Variants in HORMAD1 observed in about 807,000 individuals in gnomAD.
HORMAD1 encodes the protein HORMA domain containing 1.
A neutral mutation model predicts 58.2 loss-of-function variants in HORMAD1; 33 were observed. The ratio of observed to expected loss-of-function variants is 0.57; its 90% CI spans 0.43 to 0.76. The LOEUF (loss-of-function observed/expected upper bound fraction) is 0.76, where lower values mean the gene tolerates loss of function less well. HORMAD1 is among the 30% of genes least tolerant of loss of function. HORMAD1 has a pLI of 0.00. For synonymous variants in HORMAD1, 137 were observed against 144.6 expected, an observed-to-expected ratio of 0.95 and a Z score of 0.38; for missense variants, 363 against 462.0, an observed-to-expected ratio of 0.79 and a Z score of 1.96.
In HORMAD1 at chr1:150,704,135, A is replaced by G; in HGVS notation, c.931T>C (p.Ser311Pro). ...IMRSKESPDL[S>P]ISHSQVEQLV... ...GTTTATACCTGAGAATGAGAAATAG[A>G]AAGATCTGGACTTTCTTTAGACCTC... The change falls in exon 12 of 15, where the codon TCT (serine) becomes CCT (proline). Residue 311 changes from serine (S) to proline (P), a missense_variant. By Grantham distance (74) the Ser-to-Pro change is moderately conservative. Around this residue, in one of 3 missense-constraint regions of HORMAD1, gnomAD observed 226 missense variants for 257.8 expected, o/e 0.88. Transcript: ENST00000361824. 1.3e-6 allele frequency: 2 copies of G among 1,592,000 alleles called. No individual in the cohort carries two copies. Among genetic ancestry groups the G allele is most frequent in the Non-Finnish European group, 1.7e-6 (2 of 1,171,074 alleles).
intron 10 of HORMAD1, among the ~76,000 whole-genome samples, chr1:150,706,035 C>G (rs930700050): frequency 6.6e-6 from 1 of 152,206 alleles, no homozygotes; most frequent in South Asian, 2.1e-4. Flanking sequence ...GACGCACTAA[C>G]TAGAAATCCA....
At chr1:150,720,107 C>G (rs2101895566) in intron 1 of HORMAD1, among the ~76,000 whole-genome samples, 1 of 150,500 alleles carries the variant, frequency 6.6e-6, no homozygotes, top group African/African-American at 2.4e-5. Context: ...CGGTGTCTCT[C>G]TCTGTTGCCC....
intron 7 of HORMAD1, among the ~76,000 whole-genome samples, chr1:150,709,788 C>T (rs989992763): frequency 3.3e-5 from 5 of 152,192 alleles, no homozygotes; most frequent in African/African-American, 1.2e-4. Flanking sequence ...AGGACAAAAA[C>T]CGCCCTATGG....
chr1:150,704,704 C>G (rs1429108212), intron 10 of HORMAD1, among the ~76,000 whole-genome samples: 3 of 152,024 alleles, frequency 2.0e-5, no homozygotes, highest in Non-Finnish European at 4.4e-5. Context: ...CCACTGCGCT[C>G]CAGCCTGGGA....
At chr1:150,716,954 C>CAA (rs61024265) in intron 3 of HORMAD1, among the ~76,000 whole-genome samples, 184 bp downstream of exon 3, 39,161 of 90,506 alleles carry the variant, frequency 0.43, 7,062 homozygotes, top group South Asian at 0.58. Flanking sequence ...GACCCCGTCT[C>CAA]AAAAAAAAAA....
At position 150,714,082 on chromosome 1, in the gene HORMAD1, T is replaced by C; in HGVS notation, c.279+3A>G. 6.6e-7 allele frequency: 1 copy of C among 1,514,690 alleles called. No homozygotes were observed. Among genetic ancestry groups the C allele is most frequent in the African/African-American group, 1.4e-5 (1 of 72,374 alleles). The allele number at this position is 1,514,690 out of a possible 1,614,324, so 93.8% of individuals were successfully genotyped here. On this transcript the variant is annotated splice_donor_region_variant and intron_variant, in intron 5 of 14. Coordinates refer to ENST00000361824, the MANE Select transcript of HORMAD1 (RefSeq NM_032132.5). Reference sequence around the variant, plus strand: ...AAAAGGATAAAGAGATTGCAAGACTTACATATTTTTTCTGTAAAGCATCAT... The same window carrying C: ...AAAAGGATAAAGAGATTGCAAGACTCACATATTTTTTCTGTAAAGCATCAT...
chr1:150,708,130 A>C (rs759279254), intron 9 of HORMAD1, 126 bp downstream of exon 9: 302 of 615,376 alleles, frequency 4.9e-4, no homozygotes, highest in Non-Finnish European at 7.6e-4. Flanking sequence ...TTGAATAGTG[A>C]TATTAAGTGT....
chr1:150,713,433 G>C (rs1023011130), intron 5 of HORMAD1, among the ~76,000 whole-genome samples: 1 of 152,008 alleles, frequency 6.6e-6, no homozygotes, highest in Non-Finnish European at 1.5e-5. Flanking sequence ...ATCTTCTTGA[G>C]GCTGAGGCAG....
At chr1:150,717,331 A>G in intron 2 of HORMAD1, 49 bp from the exon 3 acceptor site, 1 of 1,257,074 alleles carries the variant, frequency 8.0e-7, no homozygotes, top group Non-Finnish European at 1.1e-6. Context: ...TATTAAAAAT[A>G]AAGTTTCTCT....
At chr1:150,713,999 T>C (rs1651985200) in intron 5 of HORMAD1, 86 bp downstream of exon 5, 1 of 869,202 alleles carries the variant, frequency 1.2e-6, no homozygotes, top group Non-Finnish European at 1.9e-6. Context: ...TTAGTTCAAA[T>C]GAATGTTTTA....
At position 150,703,345 on chromosome 1, in the gene HORMAD1, T is replaced by C; in HGVS notation, c.997A>G (p.Lys333Glu). The C allele has an allele frequency of 6.3e-7, 1 of 1,585,144 alleles. No homozygotes were observed. Among genetic ancestry groups the C allele is most frequent in the East Asian group, 2.3e-5 (1 of 44,198 alleles). ...KTSELDMSES[K>E]TRSGKVFQNK... ...TGAAAGACTTTTCCACTTCTTGTTTTGCTTTCAGACATATCAAGTTCAGAT... is the reference window on the plus strand; with the variant it reads ...TGAAAGACTTTTCCACTTCTTGTTTCGCTTTCAGACATATCAAGTTCAGAT... Residue 333 changes from lysine (K) to glutamate (E), a missense_variant, in exon 13 of 15, where the codon AAA (lysine) becomes GAA (glutamate). By Grantham distance (56) the Lys-to-Glu change is moderately conservative (BLOSUM62 1). Transcript: ENST00000361824.
chr1:150,698,753 T>A lies in HORMAD1; in HGVS notation c.1105-19A>T. 2 of 1,341,428 alleles carry A rather than the reference T, an allele frequency of 1.5e-6. No homozygotes were observed. The highest frequency in any genetic ancestry group is 2.1e-6 in the Non-Finnish European group (2 of 950,658). 83.1% of individuals were successfully genotyped at this position (1,341,428 alleles called of 1,614,324 possible). On this transcript the variant is annotated intron_variant, in intron 14 of 14. Coordinates refer to ENST00000361824, the MANE Select transcript of HORMAD1 (RefSeq NM_032132.5). ...GGAGGACCTGTCAAAAGAAAACAAC[T>A]ACTAAGAATAGATACTTTCCTGTTT...
Position 150,698,467 on chromosome 1 carries a change from T to A in HORMAD1, c.*187A>T, listed in dbSNP as rs56078201. 235 of 389,744 alleles carry A rather than the reference T, an allele frequency of 6.0e-4. No homozygotes were observed. The highest frequency in any genetic ancestry group is 1.1e-3 in the Admixed American group (25 of 22,368). 24.1% of individuals were successfully genotyped at this position (389,744 alleles called of 1,614,324 possible). On this transcript the variant is annotated 3_prime_UTR_variant, in exon 15 of 15. Coordinates refer to ENST00000361824, the MANE Select transcript of HORMAD1 (RefSeq NM_032132.5). The stretch of plus-strand genomic sequence containing the variant: ...ATGACATTTGTACTTTTGCTTTTAT[T>A]CAAAAGTTCTATTGGATTTATCTCA...
At chr1:150,699,690 A>ATTG (rs1553189715) in intron 14 of HORMAD1, among the ~76,000 whole-genome samples, 3 of 105,408 alleles carry the variant, frequency 2.8e-5, no homozygotes, top group Non-Finnish European at 6.2e-5. Flanking sequence ...ACGCCCAGCT[A>ATTG]TTTTTTTTTT....
At chr1:150,719,580 T>C (rs1652181848) in intron 1 of HORMAD1, 42 bp from the exon 2 acceptor site, 1 of 984,260 alleles carries the variant, frequency 1.0e-6, no homozygotes, top group Non-Finnish European at 1.5e-6. Context: ...GCTCATTTTT[T>C]TCCTCTAACA....
At chr1:150,719,420 G>C in intron 2 of HORMAD1, 53 bp downstream of exon 2, 1 of 1,155,646 alleles carries the variant, frequency 8.7e-7, no homozygotes. Flanking sequence ...GAGACTTCAA[G>C]AAACAATAAA....
At chr1:150,712,789 C>T (rs1651941491) in intron 5 of HORMAD1, among the ~76,000 whole-genome samples, 1 of 152,186 alleles carries the variant, frequency 6.6e-6, no homozygotes, top group South Asian at 2.1e-4. Flanking sequence ...TTAGGTGATC[C>T]ACGTGTCTTG....
rs1651464964 is a variant in HORMAD1 at position 150,699,365 on chromosome 1, A to T, written c.1105-631T>A. Among the ~76,000 whole-genome samples the T allele has an allele frequency of 1.3e-5, 2 of 152,114 alleles. 1 individual carries two copies. The highest frequency in any genetic ancestry group is 1.3e-4 in the Admixed American group (2 of 15,272). ...AGGAGACCCTATATTTTTAGGGAAC[A>T]CATGTATTTAGTAAATTATCCTCCT... is the stretch of plus-strand genomic sequence containing the variant. On this transcript the variant is annotated intron_variant, in intron 14 of 14. Coordinates refer to ENST00000361824, the MANE Select transcript of HORMAD1 (RefSeq NM_032132.5).
At chr1:150,717,308 C>G in intron 2 of HORMAD1, 26 bp from the exon 3 acceptor site, 1 of 1,397,536 alleles carries the variant, frequency 7.2e-7, no homozygotes. Context: ...AAGTAGAACA[C>G]TTTATTTAAA....
Sources: gnomAD v4.1 joint callset for allele counts (sites outside exome capture counted in the v4.1 genomes callset) on GRCh38, gnomAD v4.1.1 for gene constraint, gnomAD v4.1.1 regional missense constraint, MANE v1.5 for transcripts, NCBI Gene and HGNC (gene_info 2026-07-23, HGNC 2026-07-21) for gene names.